FMN2: variants seen among roughly 807,000 people sequenced by gnomAD.
FMN2 encodes formin 2, also known as formin-2.
FMN2 carries 51 observed loss-of-function variants against 142.3 expected under a neutral mutation model. The ratio of observed to expected loss-of-function variants is 0.36; its 90% CI spans 0.29 to 0.45. The LOEUF is 0.45. FMN2 is among the 20% of genes least tolerant of loss of function. The pLI is 1.00. For missense variants in FMN2, 1,936 were observed against 2,122.8 expected (o/e 0.91, Z 1.73); for synonymous variants, 882 against 869.8 (o/e 1.01, Z -0.25).
At chr1:240,427,556 C>T (rs755654342) in intron 15 of FMN2, among the ~76,000 whole-genome samples, 10 of 152,164 alleles carry the variant, frequency 6.6e-5, no homozygotes, top group South Asian at 2.1e-4. Flanking sequence ...TATAGAGAAA[C>T]GCCAACCATT....
At chr1:240,351,452 T>C (rs1672094612) in intron 13 of FMN2, among the ~76,000 whole-genome samples, 1 of 152,116 alleles carries the variant, frequency 6.6e-6, no homozygotes, top group African/African-American at 2.4e-5. Context: ...TTTCTAGAGC[T>C]GAAATTCTAC....
intron 1 of FMN2, among the ~76,000 whole-genome samples, chr1:240,111,848 T>G (rs1661820795): frequency 6.6e-6 from 1 of 152,132 alleles, no homozygotes; most frequent in Admixed American, 6.5e-5. Context: ...CTTCTGTTGC[T>G]TAAGCTATGG....
chr1:240,184,946 C>CTTCCCCTTCTCTTTCTCCCTCCTATACCT (rs1572033546), intron 3 of FMN2, among the ~76,000 whole-genome samples: 1 of 143,642 alleles, frequency 7.0e-6, no homozygotes, highest in African/African-American at 2.6e-5. Flanking sequence ...CCTCCTATAC[C>CTTCCCCTTCTCTTTCTCCCTCCTATACCT]TTCCCCTTCT....
At chr1:240,164,078 T>C (rs1664384917) in intron 2 of FMN2, among the ~76,000 whole-genome samples, 1 of 152,154 alleles carries the variant, frequency 6.6e-6, no homozygotes, top group Non-Finnish European at 1.5e-5. Flanking sequence ...CTAAATTTTT[T>C]TGTAAAGGCA....
chr1:240,378,280 A>T (rs1160138588), intron 14 of FMN2, among the ~76,000 whole-genome samples: 1 of 151,994 alleles, frequency 6.6e-6, no homozygotes, highest in Non-Finnish European at 1.5e-5. Flanking sequence ...CCTCCCAAGT[A>T]GCTGGGATTA....
intron 2 of FMN2, chr1:240,170,939 G>A (rs1055126401): frequency 2.2e-5 from 17 of 788,580 alleles, no homozygotes; most frequent in South Asian, 9.4e-5. Context: ...CTCATTGAGC[G>A]GACTGATGGA....
intron 6 of FMN2, among the ~76,000 whole-genome samples, chr1:240,257,505 A>G (rs1383696752): frequency 6.6e-6 from 1 of 152,202 alleles, no homozygotes; most frequent in African/African-American, 2.4e-5. Context: ...CTATGTGTGT[A>G]CTTTTATTTT....
chr1:240,235,747 G>A (rs1459005911), intron 6 of FMN2: 3 of 152,070 alleles, frequency 2.0e-5, no homozygotes, highest in Non-Finnish European at 2.9e-5. Flanking sequence ...GTGTAATCTT[G>A]CATCAGTGAA....
intron 6 of FMN2, among the ~76,000 whole-genome samples, chr1:240,234,420 T>C (rs367714905): frequency 6.6e-6 from 1 of 151,768 alleles, no homozygotes; most frequent in Non-Finnish European, 1.5e-5. Flanking sequence ...GAAAACCCAT[T>C]GTAGAAGAAA....
intron 4 of FMN2, among the ~76,000 whole-genome samples, chr1:240,200,479 A>T (rs1224249466): frequency 6.6e-6 from 1 of 152,118 alleles, no homozygotes; most frequent in African/African-American, 2.4e-5. Context: ...ATAGCCCTGG[A>T]TAAGGAAGGC....
At chr1:240,440,316 A>G (rs2184712) in intron 16 of FMN2, among the ~76,000 whole-genome samples, 91,267 of 151,714 alleles carry the variant, frequency 0.6, 27,482 homozygotes, top group Non-Finnish European at 0.62. Context: ...GCCCCATCTA[A>G]TACATGCCCC....
chr1:240,235,039 A>T (rs547537988), intron 6 of FMN2, among the ~76,000 whole-genome samples: 3 of 152,298 alleles, frequency 2.0e-5, no homozygotes, highest in South Asian at 2.1e-4. Flanking sequence ...ATTGCATGCA[A>T]AATTCTTCAA....
intron 4 of FMN2, among the ~76,000 whole-genome samples, chr1:240,194,148 C>G (rs555115425): frequency 4.0e-5 from 6 of 151,238 alleles, no homozygotes; most frequent in Non-Finnish European, 7.4e-5. Flanking sequence ...AAATCTACTT[C>G]TATTTTTTAA....
At chr1:240,179,123 T>C (rs1007174868) in intron 3 of FMN2, among the ~76,000 whole-genome samples, 1 of 152,202 alleles carries the variant, frequency 6.6e-6, no homozygotes, top group Non-Finnish European at 1.5e-5. Flanking sequence ...AGGGCTGTTA[T>C]GAGAATTATA....
intron 6 of FMN2, among the ~76,000 whole-genome samples, chr1:240,241,244 ATTTTTTT>A: frequency 7.3e-6 from 1 of 136,590 alleles, no homozygotes; most frequent in South Asian, 2.3e-4. Flanking sequence ...TTTTAATTGT[ATTTTTTT>A]TTTTTTTGTC....
intron 1 of FMN2, among the ~76,000 whole-genome samples, chr1:240,104,022 G>C (rs1451594490): frequency 1.3e-5 from 2 of 151,432 alleles, no homozygotes; most frequent in East Asian, 3.9e-4. Flanking sequence ...GACTACAGGC[G>C]CCCGCCACCT....
Position 240,333,957 on chromosome 1 carries a change from T to C in FMN2, c.4644+11T>C, listed in dbSNP as rs776011632. The C allele has an allele frequency of 3.7e-6, 6 of 1,602,402 alleles. No individual in the cohort carries two copies. The highest frequency in any genetic ancestry group is 5.1e-6 in the Non-Finnish European group (6 of 1,173,218). ...CGAAATTTTGATGAGGTAAGACAATTTTTACATATAGTCATATTCCATTAT... is the reference window on the plus strand; with the variant it reads ...CGAAATTTTGATGAGGTAAGACAATCTTTACATATAGTCATATTCCATTAT... On this transcript the variant is annotated intron_variant, in intron 12 of 17. Transcript: ENST00000319653.
At chr1:240,211,266 C>T (rs1666682106) in intron 6 of FMN2, 31 bp downstream of exon 6, 3 of 1,601,372 alleles carry the variant, frequency 1.9e-6, no homozygotes, top group African/African-American at 1.3e-5. Flanking sequence ...TGAAATTGGA[C>T]AGTGTTTCTG....
In FMN2 at chr1:240,092,050, G is replaced by A; in HGVS notation, c.-60G>A. 4 of 1,498,532 alleles carry A rather than the reference G, an allele frequency of 2.7e-6. No homozygotes were observed. The highest frequency in any genetic ancestry group is 3.5e-6 in the Non-Finnish European group (4 of 1,127,968). 92.8% of individuals were successfully genotyped at this position (1,498,532 alleles called of 1,614,324 possible). Reference sequence around the variant, plus strand: ...ACTCCCTAGGCCCGGACCTGGGGCCGAGGAGGGCCGGGATGGCCTGAGTGC... The same window carrying A: ...ACTCCCTAGGCCCGGACCTGGGGCCAAGGAGGGCCGGGATGGCCTGAGTGC... On this transcript the variant is annotated 5_prime_UTR_variant, in exon 1 of 18. Coordinates refer to ENST00000319653, the MANE Select transcript of FMN2 (RefSeq NM_020066.5).
Sources: gnomAD v4.1 joint callset for allele counts (sites outside exome capture counted in the v4.1 genomes callset) on GRCh38, gnomAD v4.1.1 for gene constraint, MANE v1.5 for transcripts, NCBI Gene and HGNC (gene_info 2026-07-23, HGNC 2026-07-21) for gene names.